The following PPFIA2 variants were observed in gnomAD, a reference collection of about 807,000 sequenced individuals.
The protein encoded by PPFIA2 is PPFI scaffold protein A2, also known as liprin-alpha-2.
A neutral mutation model predicts 175.5 loss-of-function variants in PPFIA2; 46 were observed. The ratio of observed to expected loss-of-function variants is 0.26; its 90% CI spans 0.21 to 0.34. The LOEUF (loss-of-function observed/expected upper bound fraction) is 0.34, where lower values mean the gene tolerates loss of function less well. Among genes scored for constraint, PPFIA2 ranks in the 10% least tolerant of loss-of-function variants. The probability of loss-of-function intolerance (pLI) is 1.00; values close to 1 mark genes in which losing one functional copy is unlikely to be tolerated. For synonymous variants in PPFIA2, 568 were observed against 511.4 expected (o/e 1.11, Z -1.49); for missense variants, 1,179 against 1,506.1 (o/e 0.78, Z 3.60).
intron 3 of PPFIA2, among the ~76,000 whole-genome samples, chr12:81,693,244 T>C (rs773452758): frequency 1.6e-4 from 24 of 152,100 alleles, no homozygotes; most frequent in Non-Finnish European, 3.4e-4. Flanking sequence ...CCAAATCTCA[T>C]GTCGAATTTT....
At position 81,753,957 on chromosome 12, in the gene PPFIA2, C is replaced by T. The variant is rs1323154778; in HGVS notation, c.249+16G>A. 16 of 1,612,140 alleles carry T rather than the reference C, an allele frequency of 9.9e-6. No homozygotes were observed. The East Asian group carries it at 3.3e-4, about 34-fold the overall frequency. On this transcript the variant is annotated intron_variant, in intron 3 of 32. Transcript: ENST00000549396. ...TCAATTACAATAGGAGAAACAAAGGCTACCAGGAAGCATACCTGTGGCAGG... is the reference window on the plus strand; with the variant it reads ...TCAATTACAATAGGAGAAACAAAGGTTACCAGGAAGCATACCTGTGGCAGG...
At chr12:81,487,368 C>T (rs189186236) in intron 4 of PPFIA2, among the ~76,000 whole-genome samples, 129 of 151,866 alleles carry the variant, frequency 8.5e-4, no homozygotes, top group Non-Finnish European at 1.3e-3. Context: ...CTGTAAAACA[C>T]GGATAACAGA....
At chr12:81,759,187 G>A (rs1010021067) in intron 1 of PPFIA2, 93 bp downstream of exon 1, 2 of 14,094 alleles carry the variant, frequency 1.4e-4, no homozygotes, top group Non-Finnish European at 3.2e-4. Flanking sequence ...CCCCCCCGCC[G>A]CCCCCCCGCC....
At chr12:81,428,545 G>T (rs2047549761) in intron 7 of PPFIA2, among the ~76,000 whole-genome samples, 1 of 151,842 alleles carries the variant, frequency 6.6e-6, no homozygotes, top group South Asian at 2.1e-4. Flanking sequence ...TTCTATTCAT[G>T]ATAATAACTT....
intron 21 of PPFIA2, among the ~76,000 whole-genome samples, chr12:81,328,283 T>G (rs1307183231): frequency 9.2e-5 from 14 of 152,200 alleles, no homozygotes; most frequent in Non-Finnish European, 2.9e-5. Context: ...CATATGGCTA[T>G]GTGAACTTCA....
chr12:81,663,838 G>C (rs932684624), intron 4 of PPFIA2, among the ~76,000 whole-genome samples: 3 of 152,114 alleles, frequency 2.0e-5, no homozygotes, highest in African/African-American at 7.2e-5. Flanking sequence ...TACCAAAACA[G>C]AGATATAGAC....
intron 4 of PPFIA2, among the ~76,000 whole-genome samples, chr12:81,627,440 A>C (rs930390729): frequency 6.6e-6 from 1 of 152,124 alleles, no homozygotes; most frequent in Non-Finnish European, 1.5e-5. Flanking sequence ...TTAAATTAAA[A>C]TTGTTTTAAA....
chr12:81,418,177 A>C (rs187695138), intron 7 of PPFIA2, among the ~76,000 whole-genome samples: 1 of 152,018 alleles, frequency 6.6e-6, no homozygotes, highest in Non-Finnish European at 1.5e-5. Context: ...GGGAGAAAGT[A>C]AGTTTCACTT....
At chr12:81,727,418 T>G (rs1799850213) in intron 3 of PPFIA2, among the ~76,000 whole-genome samples, 2 of 151,394 alleles carry the variant, frequency 1.3e-5, no homozygotes, top group South Asian at 4.1e-4. Context: ...AAACTTAGAA[T>G]GATAGAAAAG....
intron 4 of PPFIA2, among the ~76,000 whole-genome samples, chr12:81,504,535 C>T (rs1211973539): frequency 6.6e-6 from 1 of 152,166 alleles, no homozygotes; most frequent in Admixed American, 6.5e-5. Context: ...AATGCTTTTA[C>T]ACTGTTGGTG....
At chr12:81,277,268 C>T in intron 28 of PPFIA2, 49 bp downstream of exon 28, 1 of 1,473,806 alleles carries the variant, frequency 6.8e-7, no homozygotes, top group Non-Finnish European at 9.1e-7. Flanking sequence ...AAAGTGAAAG[C>T]TAAAAACCCC....
At chr12:81,548,881 T>C (rs574506958) in intron 4 of PPFIA2, among the ~76,000 whole-genome samples, 1 of 152,274 alleles carries the variant, frequency 6.6e-6, no homozygotes, top group South Asian at 2.1e-4. Flanking sequence ...CCATTTGGAA[T>C]AGACATCATG....
At chr12:81,516,560 G>T (rs2062471466) in intron 4 of PPFIA2, among the ~76,000 whole-genome samples, 1 of 152,104 alleles carries the variant, frequency 6.6e-6, no homozygotes, top group Admixed American at 6.5e-5. Context: ...ATAAGCAGGA[G>T]AAATTTGGAC....
chr12:81,484,175 C>A (rs1008402856), intron 4 of PPFIA2, among the ~76,000 whole-genome samples: 23 of 151,844 alleles, frequency 1.5e-4, no homozygotes, highest in African/African-American at 5.1e-4. Context: ...AATAAAAAGC[C>A]TAAAATGCTG....
chr12:81,726,812 C>T (rs1240226555), intron 3 of PPFIA2, among the ~76,000 whole-genome samples: 2 of 151,244 alleles, frequency 1.3e-5, no homozygotes, highest in East Asian at 3.9e-4. Flanking sequence ...TGCCTTTAAG[C>T]TTAGCTTTGG....
chr12:81,650,323 T>A (rs891417418), intron 4 of PPFIA2, among the ~76,000 whole-genome samples: 1 of 152,164 alleles, frequency 6.6e-6, no homozygotes, highest in Admixed American at 6.5e-5. Context: ...TGTGTATTTT[T>A]AAAAATGTGG....
intron 4 of PPFIA2, among the ~76,000 whole-genome samples, chr12:81,550,698 C>G (rs1404517382): frequency 1.3e-5 from 2 of 151,836 alleles, no homozygotes; most frequent in East Asian, 3.9e-4. Context: ...GAGGTTAGTT[C>G]TTTAGTAGAA....
intron 22 of PPFIA2, among the ~76,000 whole-genome samples, chr12:81,306,872 C>G (rs1000344103): frequency 6.6e-6 from 1 of 151,880 alleles, no homozygotes; most frequent in Non-Finnish European, 1.5e-5. Flanking sequence ...ATAGCACTGT[C>G]CTCTAAAGCC....
At chr12:81,593,085 A>C (rs1364695347) in intron 4 of PPFIA2, among the ~76,000 whole-genome samples, 4 of 152,256 alleles carry the variant, frequency 2.6e-5, no homozygotes, top group South Asian at 4.1e-4. Context: ...AAATTTCTTC[A>C]TGCAATTGAG....
Sources: allele counts gnomAD v4.1 joint callset (sites outside exome capture counted in the v4.1 genomes callset), GRCh38; gene constraint gnomAD v4.1.1; transcripts MANE v1.5; gene names NCBI Gene and HGNC (gene_info 2026-07-23, HGNC 2026-07-21).